Variants in ESYT3 observed in about 807,000 individuals in gnomAD.
The protein encoded by ESYT3 is extended synaptotagmin 3, also known as extended synaptotagmin-3.
A neutral mutation model predicts 111.5 loss-of-function variants in ESYT3; 101 were observed. The observed-to-expected ratio is 0.91, with a 90% CI of 0.77 to 1.07. ESYT3 has a LOEUF of 1.07. ESYT3 is among the 50% of genes least tolerant of loss of function. The pLI is 0.00. For missense variants in ESYT3, 1,097 were observed against 1,109.4 expected (o/e 0.99, Z 0.16); for synonymous variants, 416 against 446.8 (o/e 0.93, Z 0.87).
chr3:138,475,802 G>A (rs2108632837), intron 20 of ESYT3, among the ~76,000 whole-genome samples: 2 of 152,336 alleles, frequency 1.3e-5, no homozygotes, highest in African/African-American at 4.8e-5. Context: ...GGTGGTGCAT[G>A]CCTGTAATCC....
At chr3:138,470,189 T>G (rs2347469) in intron 16 of ESYT3, 43 bp downstream of exon 16, 1 of 1,595,066 alleles carries the variant, frequency 6.3e-7, no homozygotes, top group Non-Finnish European at 8.6e-7. Flanking sequence ...TAAGAGGTTT[T>G]TAAGCCAGGC....
chr3:138,440,475 C>G lies in ESYT3; in HGVS notation c.327+5350C>G, dbSNP rs1475801522. Reference sequence around the variant, plus strand: ...AAGTAAATGCAGTGACAGCTCTGAGCTAGCCTGGGCACTCTCAGATTAGAT... The same window carrying G: ...AAGTAAATGCAGTGACAGCTCTGAGGTAGCCTGGGCACTCTCAGATTAGAT... On this transcript the variant is annotated intron_variant, in intron 1 of 22. Transcript: ENST00000389567. The surrounding 1 kb of genome is among the most constrained non-coding windows in gnomAD (Gnocchi z 4.2). Among the ~76,000 whole-genome samples, 1 of 152,224 alleles carries G rather than the reference C, an allele frequency of 6.6e-6. No individual in the cohort carries two copies. Among genetic ancestry groups the G allele is most frequent in the East Asian group, 1.9e-4 (1 of 5,198 alleles).
rs774608302 is a variant in ESYT3 at position 138,459,999 on chromosome 3, G to A, written c.703G>A (p.Val235Met). The A allele has an allele frequency of 3.1e-6, 5 of 1,614,168 alleles. No homozygotes were observed. The highest frequency in any genetic ancestry group is 4.2e-6 in the Non-Finnish European group (5 of 1,180,018). Residue 235 changes from valine to methionine, a missense_variant, in exon 6 of 23, where the codon GTG becomes ATG. Physicochemically the swap from Val to Met is conservative, Grantham distance 21. Transcript: ENST00000389567. ...GCCCCTCCTAGTGGACAAGCCCTTT[G>A]TGGGAGCCGTGACTGTGTTCTTCCT... ...LEPLLVDKPF[V>M]GAVTVFFLQK...
intron 8 of ESYT3, chr3:138,462,441 C>A: frequency 1.7e-6 from 1 of 579,364 alleles, no homozygotes; most frequent in Non-Finnish European, 3.0e-6. Flanking sequence ...TGGAATATTT[C>A]CTCTGTTTGT....
Position 138,476,326 on chromosome 3 carries a change from AAAGT to A in ESYT3, c.2574+4_2574+7del, listed in dbSNP as rs774335891. 28 of 1,611,900 alleles carry A rather than the reference AAAGT, an allele frequency of 1.7e-5. No individual in the cohort carries two copies. The highest frequency in any genetic ancestry group is 2.3e-5 in the Non-Finnish European group (27 of 1,178,082). On this transcript the variant is annotated splice_donor_variant and coding_sequence_variant, in exon 21 of 23. Transcript: ENST00000389567. LOFTEE classifies it high-confidence loss of function. ...CTCACACAGAAGAAAGGAGTTAGGAAAAGTAAGTACAAGAGATATTTGATATACC... is the reference window on the plus strand; with the variant it reads ...CTCACACAGAAGAAAGGAGTTAGGAAAAGTACAAGAGATATTTGATATACC...
At chr3:138,468,956 T>G in intron 14 of ESYT3, 75 bp downstream of exon 14, 1 of 1,456,996 alleles carries the variant, frequency 6.9e-7, no homozygotes, top group Admixed American at 1.7e-5. Context: ...CACAACCCCA[T>G]GTCTTCTGGG....
At chr3:138,444,207 C>G (rs942121170) in intron 1 of ESYT3, among the ~76,000 whole-genome samples, 16 of 152,146 alleles carry the variant, frequency 1.1e-4, no homozygotes, top group African/African-American at 3.9e-4. Flanking sequence ...ATCACTTTGC[C>G]TGGAATGCGT....
Position 138,464,446 on chromosome 3 carries a change from C to T in ESYT3, c.1017C>T (p.Ile339=), listed in dbSNP as rs371390274. The change falls in exon 9 of 23, where the codon ATC becomes ATT. Residue 339 remains isoleucine (I), a synonymous_variant. Transcript: ENST00000389567. ...CAGATCCCTACGCCAAGGTGAGCATCGGCCTACAGCATTTCCGGAGTAGGA... is the reference window on the plus strand; with the variant it reads ...CAGATCCCTACGCCAAGGTGAGCATTGGCCTACAGCATTTCCGGAGTAGGA... ...GKSDPYAKVS[I]GLQHFRSRTI... 34 of 1,614,000 alleles carry T rather than the reference C, an allele frequency of 2.1e-5. No individual in the cohort carries two copies. Among genetic ancestry groups the T allele is most frequent in the South Asian group, 1.6e-4 (15 of 91,076 alleles).
chr3:138,473,506 CGA>C, intron 18 of ESYT3, 28 bp from the exon 19 acceptor site: 1 of 1,594,786 alleles, frequency 6.3e-7, no homozygotes. Context: ...CTTGTTATGG[CGA>C]GAGAAGTGAT....
rs1414747622 is a variant in ESYT3, at chr3:138,479,852, T to C, written c.*2998T>C. On this transcript the variant is annotated 3_prime_UTR_variant, in exon 23 of 23. Coordinates refer to ENST00000389567, the MANE Select transcript of ESYT3 (RefSeq NM_031913.5). ...GGGGGTAAGGATCTGCATCCTGAAG[T>C]TGATATTCTGTATCCCCTAGAGTCC... The C allele has an allele frequency of 1.3e-5, 2 of 152,194 alleles. No homozygotes were observed. Among genetic ancestry groups the C allele is most frequent in the Non-Finnish European group, 2.9e-5 (2 of 68,026 alleles). 9.4% of individuals were successfully genotyped at this position (152,194 alleles called of 1,614,324 possible). A position where few individuals can be genotyped will look rare whatever the true frequency, so the allele number is the denominator to read the frequency against.
rs1407515179 is a variant in ESYT3 at position 138,477,362 on chromosome 3, CT to C, written c.*509del. The C allele has an allele frequency of 4.6e-5, 7 of 152,672 alleles. No homozygotes were observed. Among genetic ancestry groups the C allele is most frequent in the African/African-American group, 1.7e-4 (7 of 41,434 alleles). The allele number at this position is 152,672 out of a possible 1,614,324, so 9.5% of individuals were successfully genotyped here. On this transcript the variant is annotated 3_prime_UTR_variant, in exon 23 of 23. Transcript: ENST00000389567. ...TGACCCAACTCAAAACTGCCAAGAGCTAACACTGCCAAAGCCCTTCTGGCTG... is the reference window on the plus strand; with the variant it reads ...TGACCCAACTCAAAACTGCCAAGAGCAACACTGCCAAAGCCCTTCTGGCTG...
chr3:138,469,345 C>T lies in ESYT3; in HGVS notation c.1435-91C>T, dbSNP rs1213488387. The T allele has an allele frequency of 9.8e-6, 11 of 1,125,834 alleles. No homozygotes were observed. In the African/African-American group the frequency reaches 1.1e-4, roughly 11 times the overall value. 69.7% of individuals were successfully genotyped at this position (1,125,834 alleles called of 1,614,324 possible). ...GAGAAGTAACTGGGTGGCCCCAGTT[C>T]CCCCAGATGCTCCTGGGGGTTGGGG... On this transcript the variant is annotated intron_variant, in intron 14 of 22. Transcript: ENST00000389567.
intron 1 of ESYT3, among the ~76,000 whole-genome samples, chr3:138,451,224 A>G (rs2031903541): frequency 6.6e-6 from 1 of 151,904 alleles, no homozygotes; most frequent in African/African-American, 2.4e-5. Flanking sequence ...GTGGAGCTGG[A>G]GTGGTTAGGG....
rs1445814541 is a variant in ESYT3, at chr3:138,440,521, G to A, written c.327+5396G>A. 6.6e-6 allele frequency among the ~76,000 whole-genome samples: 1 copy of A among 152,218 alleles called. No individual in the cohort carries two copies. The highest frequency in any genetic ancestry group is 1.5e-5 in the Non-Finnish European group (1 of 68,038). On this transcript the variant is annotated intron_variant, in intron 1 of 22. Transcript: ENST00000389567. This position sits in a 1 kb window ranked among gnomAD's most constrained non-coding sequence, Gnocchi z 4.2. ...TAGATCACAAAGCCTGATGCTTGGAGCCAGGGCCGTGGAACCTGATTTTAA... is the reference window on the plus strand; with the variant it reads ...TAGATCACAAAGCCTGATGCTTGGAACCAGGGCCGTGGAACCTGATTTTAA...
At chr3:138,480,874 T>C (rs1313876097), downstream of ESYT3, 1 of 152,166 alleles carries the variant, frequency 6.6e-6, no homozygotes, top group Non-Finnish European at 1.5e-5. Context: ...TAAGACAGAA[T>C]GGTACTAGTG....
chr3:138,448,297 A>G (rs1160593023), intron 1 of ESYT3, among the ~76,000 whole-genome samples: 1 of 144,748 alleles, frequency 6.9e-6, no homozygotes, highest in African/African-American at 2.6e-5. Flanking sequence ...AAAAAAATGC[A>G]GGGGAGGGGA....
At chr3:138,471,192 CAA>C (rs1368670802) in intron 17 of ESYT3, among the ~76,000 whole-genome samples, 166 bp downstream of exon 17, 1 of 152,150 alleles carries the variant, frequency 6.6e-6, no homozygotes, top group Non-Finnish European at 1.5e-5. Context: ...AGTCAATATT[CAA>C]AGAGATACAG....
chr3:138,456,001 AT>A (rs1400476417), intron 3 of ESYT3, among the ~76,000 whole-genome samples: 6 of 152,176 alleles, frequency 3.9e-5, no homozygotes, highest in Non-Finnish European at 5.9e-5. Context: ...GACCCAGTAA[AT>A]GAGAGGCACT....
Position 138,472,534 on chromosome 3 carries a change from A to C in ESYT3, c.1912A>C (p.Lys638Gln). Residue 638 changes from lysine to glutamine, a missense_variant, in exon 18 of 23, where the codon AAG (lysine) becomes CAG (glutamine). Coordinates refer to ENST00000389567, the MANE Select transcript of ESYT3 (RefSeq NM_031913.5). ...TCCCCCAGACCCTGCTTCTGATACT[A>C]AGGACGTATCCAGGAGTACCACAAC... The part of the protein sequence containing the change: ...PCPPDPASDT[K>Q]DVSRSTTTTT... 1 of 1,614,236 alleles carries C rather than the reference A, an allele frequency of 6.2e-7. No homozygotes were observed. The highest frequency in any genetic ancestry group is 8.5e-7 in the Non-Finnish European group (1 of 1,180,036).
Sources: allele counts gnomAD v4.1 joint callset (sites outside exome capture counted in the v4.1 genomes callset), GRCh38; gene constraint gnomAD v4.1.1; non-coding constraint Gnocchi (gnomAD v3.1); transcripts MANE v1.5; gene names NCBI Gene and HGNC (gene_info 2026-07-23, HGNC 2026-07-21).